The following RGS6 variants were observed in gnomAD, a reference collection of about 807,000 sequenced individuals.
RGS6 encodes regulator of G-protein signaling 6.
In RGS6, 30 loss-of-function variants were observed where a neutral mutation model predicts 78.5. The ratio of observed to expected loss-of-function variants is 0.38; its 90% CI spans 0.29 to 0.52. RGS6 has a LOEUF of 0.52. Ranked by LOEUF, RGS6 falls within the 20% of genes least tolerant of loss-of-function variation. The pLI, the probability that RGS6 is intolerant of heterozygous loss-of-function variation, is 0.85. For missense variants in RGS6, 495 were observed against 609.7 expected, an observed-to-expected ratio of 0.81 and a Z score of 1.98; for synonymous variants, 206 against 206.0, an observed-to-expected ratio of 1.00 and a Z score of 0.00.
intron 2 of RGS6, among the ~76,000 whole-genome samples, chr14:72,073,690 AC>A (rs1055295486): frequency 5.9e-5 from 9 of 152,122 alleles, no homozygotes; most frequent in Non-Finnish European, 1.0e-4. Flanking sequence ...AGAACATGCA[AC>A]CTCCACACAG....
At chr14:71,887,101 G>A in the RGS6 span, among the ~76,000 whole-genome samples, 79 of 152,318 alleles carry the variant, frequency 5.2e-4, no homozygotes, top group Non-Finnish European at 9.7e-4. Flanking sequence ...AGCTGGAGCT[G>A]CAGCAGAGGA....
chr14:72,289,020 T>C (rs775949575), intron 2 of RGS6, among the ~76,000 whole-genome samples: 2 of 152,136 alleles, frequency 1.3e-5, no homozygotes, highest in Admixed American at 6.5e-5. Context: ...AACCCAAATT[T>C]AGAAATGAGA....
chr14:71,992,005 A>C (rs540289050), intron 2 of RGS6, among the ~76,000 whole-genome samples: 88 of 147,154 alleles, frequency 6.0e-4, no homozygotes, highest in African/African-American at 2.1e-3. Flanking sequence ...TAGTTTGCCT[A>C]TGCTTGTCTA....
At chr14:72,057,263 A>C (rs1005374488) in intron 2 of RGS6, among the ~76,000 whole-genome samples, 34 of 146,602 alleles carry the variant, frequency 2.3e-4, no homozygotes, top group African/African-American at 8.2e-4. Flanking sequence ...TCAGTGAGCT[A>C]AGATCGTGCC....
chr14:72,395,728 T>C (rs2091085598), intron 3 of RGS6, among the ~76,000 whole-genome samples: 2 of 150,548 alleles, frequency 1.3e-5, no homozygotes, highest in East Asian at 2.0e-4. Flanking sequence ...TTCCCCGTCC[T>C]GTGTCCATGT....
chr14:72,335,404 G>A (rs983061519), intron 2 of RGS6, among the ~76,000 whole-genome samples: 4 of 151,980 alleles, frequency 2.6e-5, no homozygotes, highest in Non-Finnish European at 5.9e-5. Flanking sequence ...GGACTAATTC[G>A]TCCTAGGGAG....
At chr14:71,981,520 T>C (rs2094452159) in intron 2 of RGS6, among the ~76,000 whole-genome samples, 1 of 151,668 alleles carries the variant, frequency 6.6e-6, no homozygotes, top group African/African-American at 2.4e-5. Flanking sequence ...TACCCGGCCG[T>C]GTGAGGTGTC....
chr14:72,463,780 T>C (rs1466541854), intron 6 of RGS6, among the ~76,000 whole-genome samples: 1 of 152,232 alleles, frequency 6.6e-6, no homozygotes, highest in Non-Finnish European at 1.5e-5. Context: ...GCTTCCTGCC[T>C]GAGGTTGTCC....
the RGS6 span, among the ~76,000 whole-genome samples, chr14:71,898,622 AGCCCCGCATGCGTTAGGTATTTG>A: frequency 6.6e-6 from 1 of 152,126 alleles, no homozygotes; most frequent in African/African-American, 2.4e-5. Context: ...CCAGGTTTTA[AGCCCCGCATGCGTTAGGTATTTG>A]GCCTAATGCT....
At chr14:72,435,887 G>C (rs767620377) in intron 3 of RGS6, among the ~76,000 whole-genome samples, 1 of 151,788 alleles carries the variant, frequency 6.6e-6, no homozygotes, top group Non-Finnish European at 1.5e-5. Flanking sequence ...AATCACATCT[G>C]TAAAGTCCCT....
At chr14:72,059,571 G>A (rs1218771317) in intron 2 of RGS6, among the ~76,000 whole-genome samples, 2 of 152,056 alleles carry the variant, frequency 1.3e-5, no homozygotes, top group African/African-American at 2.4e-5. Flanking sequence ...TCATTGTTTC[G>A]CTGCCACCCA....
chr14:72,301,261 T>C (rs2065991055), intron 2 of RGS6, among the ~76,000 whole-genome samples: 1 of 152,230 alleles, frequency 6.6e-6, no homozygotes, highest in South Asian at 2.1e-4. Context: ...TTTTGATTTA[T>C]TTGTCATGTA....
the RGS6 span, among the ~76,000 whole-genome samples, chr14:71,910,721 G>T: frequency 6.6e-6 from 1 of 152,192 alleles, no homozygotes; most frequent in Admixed American, 6.5e-5. Context: ...AGGTGACTTC[G>T]TGGGTGGTGA....
intron 2 of RGS6, among the ~76,000 whole-genome samples, chr14:72,064,822 ACTTAT>A (rs1172534609): frequency 2.6e-5 from 4 of 152,236 alleles, no homozygotes; most frequent in South Asian, 2.1e-4. Context: ...TATCATGTGT[ACTTAT>A]CTTGAGAAGC....
chr14:72,255,686 T>C (rs2153864187), intron 2 of RGS6, among the ~76,000 whole-genome samples: 1 of 152,326 alleles, frequency 6.6e-6, no homozygotes, highest in Admixed American at 6.5e-5. Flanking sequence ...AAGAGGCTGA[T>C]TTTCTATTGC....
intron 2 of RGS6, among the ~76,000 whole-genome samples, chr14:72,248,834 T>G (rs939239410): frequency 1.3e-5 from 2 of 152,234 alleles, no homozygotes; most frequent in East Asian, 1.9e-4. Flanking sequence ...AATTTTAACC[T>G]ACAGGTTGAG....
At chr14:72,260,966 C>G (rs2058051913) in intron 2 of RGS6, among the ~76,000 whole-genome samples, 1 of 152,192 alleles carries the variant, frequency 6.6e-6, no homozygotes. Context: ...GTTGCTGGTT[C>G]CTTGTCCAGA....
At chr14:72,267,554 G>A (rs2059268619) in intron 2 of RGS6, among the ~76,000 whole-genome samples, 1 of 152,226 alleles carries the variant, frequency 6.6e-6, no homozygotes, top group South Asian at 2.1e-4. Flanking sequence ...TTCAAAGCTG[G>A]ATTCCAGGCT....
chr14:72,176,119 C>T (rs542395821), intron 2 of RGS6, among the ~76,000 whole-genome samples: 3 of 152,314 alleles, frequency 2.0e-5, no homozygotes, highest in Admixed American at 2.0e-4. Context: ...GTGATTTTTC[C>T]AGTCCACCCC....
Sources: gnomAD v4.1 joint callset for allele counts (sites outside exome capture counted in the v4.1 genomes callset) on GRCh38, gnomAD v4.1.1 for gene constraint, MANE v1.5 for transcripts, NCBI Gene and HGNC (gene_info 2026-07-23, HGNC 2026-07-21) for gene names.